COPA: variants seen among roughly 807,000 people sequenced by gnomAD.
COPA encodes the protein coat protein complex I subunit alpha, also known as coatomer subunit alpha.
A neutral mutation model predicts 158.7 loss-of-function variants in COPA; 10 were observed. That is an observed-to-expected ratio of 0.06 (90% CI 0.04 to 0.11). The LOEUF (loss-of-function observed/expected upper bound fraction) is 0.11. Ranked by LOEUF, COPA falls within the 10% of genes least tolerant of loss-of-function variation. The pLI, the probability that COPA is intolerant of heterozygous loss-of-function variation, is 1.00. For missense variants in COPA, 1,065 were observed against 1,536.7 expected, an observed-to-expected ratio of 0.69 and a Z score of 5.13; for synonymous variants, 462 against 542.8, an observed-to-expected ratio of 0.85 and a Z score of 2.07.
rs1409773319 is a variant in COPA, at chr1:160,306,307, T to G, written c.1442+47A>C. Reference sequence around the variant, plus strand: ...AAAGGTTCCCACTAAAGATGTCCACTCTCCCCAACTACAGGGCTGTCTGCT... The same window carrying G: ...AAAGGTTCCCACTAAAGATGTCCACGCTCCCCAACTACAGGGCTGTCTGCT... On this transcript the variant is annotated intron_variant, in intron 15 of 32. Transcript: ENST00000241704. The G allele has an allele frequency of 6.6e-6, 10 of 1,526,208 alleles. No individual in the cohort carries two copies. In the East Asian group the frequency reaches 6.8e-5, roughly 10 times the overall value. The allele number at this position is 1,526,208 out of a possible 1,614,324, so 94.5% of individuals were successfully genotyped here. A position where few individuals can be genotyped will look rare whatever the true frequency, so the allele number is the denominator to read the frequency against.
intron 3 of COPA, 71 bp downstream of exon 3, chr1:160,339,838 T>G: frequency 7.1e-7 from 1 of 1,399,908 alleles, no homozygotes; most frequent in Non-Finnish European, 1.0e-6. Context: ...TGTCTTTCAG[T>G]TCCTTTCATG....
chr1:160,294,879 C>T (rs531878200), intron 23 of COPA, 22 bp from the exon 24 acceptor site: 36 of 1,607,882 alleles, frequency 2.2e-5, no homozygotes, highest in Admixed American at 3.3e-5. Flanking sequence ...AGGAACAGAA[C>T]GGAACTGGTT....
At chr1:160,318,293 T>A (rs1386160781) in intron 8 of COPA, among the ~76,000 whole-genome samples, 3 of 151,798 alleles carry the variant, frequency 2.0e-5, no homozygotes, top group Non-Finnish European at 4.4e-5. Context: ...TTAAAAATCT[T>A]GTCAGAAGAT....
At position 160,332,510 on chromosome 1, in the gene COPA, G is replaced by A; in HGVS notation, c.434C>T (p.Pro145Leu). The change falls in exon 6 of 33, where the codon CCC (proline) becomes CTC (leucine). Residue 145 changes from proline to leucine, a missense_variant. Physicochemically the swap from Pro to Leu is moderately conservative, Grantham distance 98. Coordinates refer to ENST00000241704, the MANE Select transcript of COPA (RefSeq NM_004371.4). ...GGCTGATACTACCAAGTCTTCTGTG[G>A]GGTGGAACTGAGCACACATCACATA... ...NHYVMCAQFH[P>L]TEDLVVSASL... 1.2e-6 allele frequency: 2 copies of A among 1,613,744 alleles called. No individual in the cohort carries two copies. The highest frequency in any genetic ancestry group is 1.7e-6 in the Non-Finnish European group (2 of 1,179,968).
intron 8 of COPA, 24 bp from the exon 9 acceptor site, chr1:160,314,149 C>A (rs201857913): frequency 3.1e-5 from 50 of 1,602,998 alleles, no homozygotes; most frequent in Admixed American, 2.9e-4. Flanking sequence ...AGAATTAGGT[C>A]ATCACAATTC....
chr1:160,305,771 G>C lies in COPA; in HGVS notation c.1445C>G (p.Thr482Ser), dbSNP rs758263655. ...TTTAGAAATCTTCACAGATGCCAGA[G>C]TCCTGAGATAGATAGAGATGTGCAA... ...ITLFDVQQKR[T>S]LASVKISKVK... The change falls in exon 16 of 33, where the codon ACT (threonine) becomes AGT (serine). Residue 482 changes from threonine to serine, a missense_variant and splice_region_variant. By Grantham distance (58) the Thr-to-Ser change is moderately conservative (BLOSUM62 1). Transcript: ENST00000241704. 5.0e-6 allele frequency: 8 copies of C among 1,613,282 alleles called. No individual in the cohort carries two copies. Among genetic ancestry groups the C allele is most frequent in the Non-Finnish European group, 6.8e-6 (8 of 1,179,408 alleles).
chr1:160,297,893 A>T, intron 19 of COPA, 148 bp from the exon 20 acceptor site: 1 of 952,066 alleles, frequency 1.1e-6, no homozygotes, highest in Non-Finnish European at 1.5e-6. Context: ...ATTCCATTGA[A>T]AATCGGCTGG....
chr1:160,310,268 T>C lies in COPA; in HGVS notation c.1077-10A>G. On this transcript the variant is annotated splice_polypyrimidine_tract_variant and intron_variant, in intron 11 of 32. Coordinates refer to ENST00000241704, the MANE Select transcript of COPA (RefSeq NM_004371.4). ...TGGAAACTTGGAACCACTAGAGATATATATAGAAAAAGGAGAAAACAGGGA... is the reference window on the plus strand; with the variant it reads ...TGGAAACTTGGAACCACTAGAGATACATATAGAAAAAGGAGAAAACAGGGA... 2.6e-6 allele frequency: 4 copies of C among 1,566,072 alleles called. No individual in the cohort carries two copies. Among genetic ancestry groups the C allele is most frequent in the South Asian group, 1.2e-5 (1 of 85,776 alleles).
At chr1:160,307,266 G>C (rs907438489) in intron 13 of COPA, 21 bp from the exon 14 acceptor site, 1 of 1,612,794 alleles carries the variant, frequency 6.2e-7, no homozygotes, top group Non-Finnish European at 8.5e-7. Context: ...CAAAACCAAA[G>C]GGTGGGAGCA....
chr1:160,314,239 G>A, intron 8 of COPA, 114 bp from the exon 9 acceptor site: 1 of 1,117,936 alleles, frequency 8.9e-7, no homozygotes. Flanking sequence ...ATGCTAAATT[G>A]CCAACTTCTT....
intron 1 of COPA, among the ~76,000 whole-genome samples, chr1:160,341,321 C>G (rs1417629192): frequency 1.3e-5 from 2 of 152,222 alleles, no homozygotes; most frequent in Non-Finnish European, 2.9e-5. Flanking sequence ...CCTCACTTAA[C>G]TATATAATAT....
chr1:160,343,100 C>A (rs1557879496), intron 1 of COPA, 31 bp downstream of exon 1: 1 of 1,614,068 alleles, frequency 6.2e-7, no homozygotes. Flanking sequence ...TGACATCCAA[C>A]CTCCATGTTC....
intron 7 of COPA, among the ~76,000 whole-genome samples, chr1:160,325,161 C>A (rs1413967735): frequency 6.6e-6 from 1 of 151,470 alleles, no homozygotes; most frequent in Non-Finnish European, 1.5e-5. Context: ...AAACTAGTTT[C>A]TTTCCCTTAT....
intron 7 of COPA, among the ~76,000 whole-genome samples, chr1:160,324,392 G>C (rs781217595): frequency 1.4e-4 from 21 of 149,094 alleles, no homozygotes; most frequent in Non-Finnish European, 2.7e-4. Flanking sequence ...AAACTTCCAG[G>C]ATCAAGTGAT....
At chr1:160,290,814 C>T (rs1017801778) in intron 31 of COPA, 128 bp from the exon 32 acceptor site, 31 of 816,828 alleles carry the variant, frequency 3.8e-5, no homozygotes, top group Non-Finnish European at 6.1e-5. Flanking sequence ...GAGGTCCCAA[C>T]CTCTGTACTG....
At chr1:160,327,315 C>T (rs2101865317) in intron 6 of COPA, among the ~76,000 whole-genome samples, 1 of 145,764 alleles carries the variant, frequency 6.9e-6, no homozygotes. Context: ...GACAGGTGAA[C>T]CACCGCAGGT....
intron 6 of COPA, among the ~76,000 whole-genome samples, chr1:160,332,196 A>C (rs1647560499): frequency 6.6e-6 from 1 of 152,212 alleles, no homozygotes; most frequent in Admixed American, 6.5e-5. Context: ...GATTTTAACA[A>C]AAGCTGATGT....
intron 17 of COPA, among the ~76,000 whole-genome samples, chr1:160,304,172 C>T (rs1347309571): frequency 6.6e-6 from 1 of 151,452 alleles, no homozygotes; most frequent in Non-Finnish European, 1.5e-5. Flanking sequence ...CACCACCACA[C>T]CCAGCTAATT....
rs1406915153 is a variant in COPA, at chr1:160,291,346, C to T, written c.3409G>A (p.Val1137Met). The T allele has an allele frequency of 1.2e-6, 2 of 1,613,510 alleles. No individual in the cohort carries two copies. The highest frequency in any genetic ancestry group is 1.7e-6 in the Non-Finnish European group (2 of 1,179,892). The change falls in exon 31 of 33, where the codon GTG (valine) becomes ATG (methionine). Residue 1137 changes from valine (V) to methionine (M), a missense_variant. Around this residue, in one of 2 missense-constraint regions of COPA, gnomAD observed 980 missense variants for 1,357.8 expected, o/e 0.72. Coordinates refer to ENST00000241704, the MANE Select transcript of COPA (RefSeq NM_004371.4). The stretch of plus-strand genomic sequence containing the variant: ...GGAGTTCCATCTACCTGTTGGGCCA[C>T]CTCAGGCTTGGGCCCGAGTTCTAGT... ...RLLELGPKPE[V>M]AQQTRKILSA...
Sources: gnomAD v4.1 joint callset for allele counts (sites outside exome capture counted in the v4.1 genomes callset) on GRCh38, gnomAD v4.1.1 for gene constraint, gnomAD v4.1.1 regional missense constraint, MANE v1.5 for transcripts, NCBI Gene and HGNC (gene_info 2026-07-23, HGNC 2026-07-21) for gene names.